OSBPL1A: variants seen among roughly 807,000 people sequenced by gnomAD.
OSBPL1A encodes oxysterol-binding protein-related protein 1.
Under a neutral mutation model 137.1 loss-of-function variants are expected in OSBPL1A, and 80 were observed. The observed-to-expected ratio is 0.58, with a 90% CI of 0.49 to 0.70. The LOEUF (loss-of-function observed/expected upper bound fraction) is 0.70, where lower values mean the gene tolerates loss of function less well. Among genes scored for constraint, OSBPL1A ranks in the 30% least tolerant of loss-of-function variants. The pLI is 0.00. For missense variants in OSBPL1A, 970 were observed against 1,129.4 expected, an observed-to-expected ratio of 0.86 and a Z score of 2.02; for synonymous variants, 365 against 389.7, an observed-to-expected ratio of 0.94 and a Z score of 0.75.
rs777185414 is a variant in OSBPL1A at position 24,334,328 on chromosome 18, C to T, written c.397G>A (p.Val133Ile). 1.9e-6 allele frequency: 3 copies of T among 1,606,714 alleles called. No homozygotes were observed. Among genetic ancestry groups the T allele is most frequent in the East Asian group, 2.2e-5 (1 of 44,476 alleles). Reference protein sequence around the residue: ...AEEIRSMLEAVERTQQRKLEE... With the variant: ...AEEIRSMLEAIERTQQRKLEE... Reference sequence around the variant, plus strand: ...AGCTTTCTTTGTTGAGTCCTTTCTACAGCTGCAAAAGAAAAGTACTTATTA... The same window carrying T: ...AGCTTTCTTTGTTGAGTCCTTTCTATAGCTGCAAAAGAAAAGTACTTATTA... Residue 133 changes from valine (V) to isoleucine (I), a missense_variant and splice_region_variant, in exon 6 of 28, where the codon GTA becomes ATA. Transcript: ENST00000319481.
At chr18:24,378,982 G>A (rs1906390110) in intron 1 of OSBPL1A, among the ~76,000 whole-genome samples, 1 of 151,742 alleles carries the variant, frequency 6.6e-6, no homozygotes, top group African/African-American at 2.4e-5. Flanking sequence ...ACCAAACAGG[G>A]AAGAAAAGCA....
At chr18:24,243,073 T>C (rs549528681) in intron 15 of OSBPL1A, among the ~76,000 whole-genome samples, 10 of 151,918 alleles carry the variant, frequency 6.6e-5, no homozygotes, top group Admixed American at 4.6e-4. Flanking sequence ...CTACTGAAAA[T>C]ACAAAATAAG....
chr18:24,178,617 A>G (rs2086518782), intron 20 of OSBPL1A, among the ~76,000 whole-genome samples: 1 of 152,184 alleles, frequency 6.6e-6, no homozygotes, highest in African/African-American at 2.4e-5. Flanking sequence ...CATTGCAATG[A>G]AACAACTTCA....
chr18:24,337,778 T>C (rs1040676581), intron 5 of OSBPL1A, among the ~76,000 whole-genome samples: 2 of 151,122 alleles, frequency 1.3e-5, no homozygotes, highest in Non-Finnish European at 2.9e-5. Context: ...ATATATTATA[T>C]AATATTATGT....
intron 15 of OSBPL1A, 45 bp from the exon 16 acceptor site, chr18:24,239,427 G>A (rs1327010843): frequency 2.0e-6 from 3 of 1,534,612 alleles, no homozygotes; most frequent in South Asian, 2.3e-5. Context: ...AGTGACAGGA[G>A]ACACAGACGT....
chr18:24,258,687 G>A lies in OSBPL1A; in HGVS notation c.1282-19305C>T, dbSNP rs371664757. 2.1e-3 allele frequency among the ~76,000 whole-genome samples: 315 copies of A among 152,116 alleles called. 2 individuals are homozygous for A. The highest frequency in any genetic ancestry group is 7.0e-3 in the African/African-American group (292 of 41,510). ...ATCCCATTTTCCATGTGATTATTAC[G>A]CATTGTATGCCTGCATCAAAATATC... On this transcript the variant is annotated intron_variant, in intron 15 of 27. Coordinates refer to ENST00000319481, the MANE Select transcript of OSBPL1A (RefSeq NM_080597.4).
chr18:24,307,944 C>T (rs1001785435), intron 13 of OSBPL1A, among the ~76,000 whole-genome samples: 1 of 143,142 alleles, frequency 7.0e-6, no homozygotes, highest in African/African-American at 2.8e-5. Context: ...CGTGCACCAC[C>T]ATGCCTTTCT....
intron 13 of OSBPL1A, 142 bp downstream of exon 13, chr18:24,311,842 A>G (rs2090624381): frequency 1.1e-6 from 1 of 946,868 alleles, no homozygotes; most frequent in African/African-American, 1.6e-5. Context: ...TACCAACACA[A>G]TGCAACTCAG....
intron 18 of OSBPL1A, among the ~76,000 whole-genome samples, chr18:24,183,678 C>T (rs1022951953): frequency 6.6e-6 from 1 of 152,062 alleles, no homozygotes; most frequent in Non-Finnish European, 1.5e-5. Flanking sequence ...TCAGGTGATC[C>T]ACCCGCCTCA....
chr18:24,385,006 G>C (rs1415460053), intron 1 of OSBPL1A, among the ~76,000 whole-genome samples: 38 of 150,124 alleles, frequency 2.5e-4, no homozygotes, highest in Middle Eastern at 3.4e-3. Flanking sequence ...CCAGGCTGGA[G>C]TGCAGTGGCA....
At chr18:24,352,840 T>C (rs949481399) in intron 4 of OSBPL1A, among the ~76,000 whole-genome samples, 1 of 152,046 alleles carries the variant, frequency 6.6e-6, no homozygotes, top group African/African-American at 2.4e-5. Context: ...TAATAAATGG[T>C]GCTGGGAAAA....
intron 17 of OSBPL1A, among the ~76,000 whole-genome samples, chr18:24,206,588 T>C (rs2145960857): frequency 6.6e-6 from 1 of 152,324 alleles, no homozygotes; most frequent in East Asian, 1.9e-4. Context: ...TTGACATGAT[T>C]AGATGGTATT....
At chr18:24,180,856 G>A (rs1599446708) in intron 19 of OSBPL1A, among the ~76,000 whole-genome samples, 1 of 151,660 alleles carries the variant, frequency 6.6e-6, no homozygotes, top group Non-Finnish European at 1.5e-5. Flanking sequence ...CAGCCTGGGC[G>A]ACAGAGCGAG....
chr18:24,260,089 T>A (rs916511544), intron 15 of OSBPL1A, among the ~76,000 whole-genome samples: 1 of 151,886 alleles, frequency 6.6e-6, no homozygotes. Flanking sequence ...GTTCAACAGG[T>A]GAATGCAAAT....
Position 24,271,843 on chromosome 18 carries a change from G to A in OSBPL1A, c.1281+8999C>T, listed in dbSNP as rs1180702439. On this transcript the variant is annotated intron_variant, in intron 15 of 27. Transcript: ENST00000319481. This position sits in a 1 kb window ranked among gnomAD's most constrained non-coding sequence, Gnocchi z 4.0. ...GGCAGCAGCGCCAGCCTTCCCCAGC[G>A]AGGTCGGGCAGAGGCGTTGCCCGCC... The A allele has an allele frequency of 1.0e-6, 1 of 985,306 alleles. No individual in the cohort carries two copies. Among genetic ancestry groups the A allele is most frequent in the Non-Finnish European group, 1.2e-6 (1 of 829,980 alleles). 61.0% of individuals were successfully genotyped at this position (985,306 alleles called of 1,614,324 possible).
chr18:24,170,352 G>T lies in OSBPL1A; in HGVS notation c.2393C>A (p.Thr798Lys). ...CTGTTTGCTGTTCTTCTTCTCTTCT[G>T]TATTTTTCTTATCATTTTTTTTGTA... Reference protein sequence around the residue: ...DAYKKNDKKNTEEKKNSKQMS... With the variant: ...DAYKKNDKKNKEEKKNSKQMS... Residue 798 changes from threonine to lysine, a missense_variant, in exon 24 of 28, where the codon ACA becomes AAA. Coordinates refer to ENST00000319481, the MANE Select transcript of OSBPL1A (RefSeq NM_080597.4). The T allele has an allele frequency of 6.2e-7, 1 of 1,614,142 alleles. No homozygotes were observed. The highest frequency in any genetic ancestry group is 8.5e-7 in the Non-Finnish European group (1 of 1,180,008).
intron 17 of OSBPL1A, among the ~76,000 whole-genome samples, chr18:24,214,929 ATTTG>A (rs778290778): frequency 6.6e-6 from 1 of 152,266 alleles, no homozygotes; most frequent in South Asian, 2.1e-4. Context: ...AAATATAACA[ATTTG>A]TTTGTGCTTT....
At chr18:24,349,991 T>C (rs2091410597) in intron 4 of OSBPL1A, among the ~76,000 whole-genome samples, 1 of 152,158 alleles carries the variant, frequency 6.6e-6, no homozygotes, top group South Asian at 2.1e-4. Flanking sequence ...GGTTTAAAAG[T>C]CTAAAGGTAA....
At chr18:24,190,346 GAAAAAAAAAA>G (rs140195338) in intron 18 of OSBPL1A, among the ~76,000 whole-genome samples, 1 of 49,174 alleles carries the variant, frequency 2.0e-5, no homozygotes, top group Non-Finnish European at 3.8e-5. Context: ...CTCTGCTACT[GAAAAAAAAAA>G]AAAAAAAAAA....
Sources: allele counts gnomAD v4.1 joint callset (sites outside exome capture counted in the v4.1 genomes callset), GRCh38; gene constraint gnomAD v4.1.1; non-coding constraint Gnocchi (gnomAD v3.1); transcripts MANE v1.5; gene names NCBI Gene and HGNC (gene_info 2026-07-23, HGNC 2026-07-21).